The following ADK variants were observed in gnomAD, a reference collection of about 807,000 sequenced individuals.
The protein encoded by ADK is N6,N6-dimethyladenosine kinase.
Under a neutral mutation model 44.7 loss-of-function variants are expected in ADK, and 24 were observed. The observed-to-expected ratio is 0.54, with a 90% CI of 0.39 to 0.76. The LOEUF (loss-of-function observed/expected upper bound fraction) is 0.76, where lower values mean the gene tolerates loss of function less well. Ranked by LOEUF, ADK falls within the 30% of genes least tolerant of loss-of-function variation. The pLI is 0.00. For synonymous variants in ADK, 128 were observed against 142.6 expected (o/e 0.90, Z 0.73); for missense variants, 321 against 425.1 (o/e 0.76, Z 2.15).
intron 6 of ADK, among the ~76,000 whole-genome samples, chr10:74,444,351 G>T (rs1170136165): frequency 6.6e-6 from 1 of 152,132 alleles, no homozygotes; most frequent in African/African-American, 2.4e-5. Context: ...ATGGGGCAGA[G>T]TTGTCTGTTT....
intron 8 of ADK, among the ~76,000 whole-genome samples, chr10:74,595,667 C>T (rs1389445815): frequency 7.5e-5 from 4 of 53,222 alleles, no homozygotes; most frequent in African/African-American, 1.5e-4. Flanking sequence ...TGAGCTACCG[C>T]GCCCATCGCC....
intron 1 of ADK, among the ~76,000 whole-genome samples, chr10:74,190,581 T>G (rs976280931): frequency 2.5e-4 from 38 of 152,208 alleles, no homozygotes; most frequent in Admixed American, 2.2e-3. Context: ...TTGTAGCTGA[T>G]TGTTTTTGAC....
chr10:74,421,043 G>A (rs1405032833), intron 6 of ADK, among the ~76,000 whole-genome samples: 2 of 152,102 alleles, frequency 1.3e-5, no homozygotes, highest in African/African-American at 2.4e-5. Flanking sequence ...ATGTATGCAG[G>A]TTTTTTAAAT....
chr10:74,622,090 A>G (rs1853014785), intron 9 of ADK, among the ~76,000 whole-genome samples: 1 of 152,200 alleles, frequency 6.6e-6, no homozygotes, highest in African/African-American at 2.4e-5. Flanking sequence ...TACCTTGAGT[A>G]GAGTATTTCC....
At chr10:74,518,078 G>A (rs1848664626) in intron 6 of ADK, among the ~76,000 whole-genome samples, 1 of 152,180 alleles carries the variant, frequency 6.6e-6, no homozygotes, top group South Asian at 2.1e-4. Flanking sequence ...CACAAAACAT[G>A]TAGGACCCAT....
At chr10:74,459,727 C>CAAAAAAAAAAAA (rs986375076) in intron 6 of ADK, among the ~76,000 whole-genome samples, 1 of 42,796 alleles carries the variant, frequency 2.3e-5, no homozygotes, top group Non-Finnish European at 5.1e-5. Flanking sequence ...GACTCCATCT[C>CAAAAAAAAAAAA]AAAAAAAAAA....
chr10:74,633,070 T>C (rs1473327685), intron 9 of ADK, among the ~76,000 whole-genome samples: 1 of 152,204 alleles, frequency 6.6e-6, no homozygotes, highest in Non-Finnish European at 1.5e-5. Flanking sequence ...GTATTTTAAT[T>C]TTTATGAACA....
At chr10:74,270,386 C>G (rs760995095) in intron 3 of ADK, among the ~76,000 whole-genome samples, 8 of 152,102 alleles carry the variant, frequency 5.3e-5, no homozygotes, top group Non-Finnish European at 1.0e-4. Context: ...AATGGTATTG[C>G]TTTTTGCAAA....
chr10:74,692,899 G>A (rs556592117), intron 10 of ADK, among the ~76,000 whole-genome samples: 4 of 152,084 alleles, frequency 2.6e-5, no homozygotes, highest in East Asian at 1.9e-4. Context: ...ATATATCCCC[G>A]TTGTTAAGCA....
chr10:74,346,747 A>G (rs10762601), intron 4 of ADK, among the ~76,000 whole-genome samples: 99,215 of 151,810 alleles, frequency 0.65, 33,576 homozygotes, highest in Middle Eastern at 0.81. Flanking sequence ...CATAACAGGA[A>G]TGAATTGAAG....
chr10:74,634,357 G>GTA (rs1215939104), intron 9 of ADK, among the ~76,000 whole-genome samples: 3 of 152,058 alleles, frequency 2.0e-5, no homozygotes, highest in Non-Finnish European at 4.4e-5. Flanking sequence ...TGGGACTACA[G>GTA]GCTCCCGCCA....
At chr10:74,366,621 T>G (rs1842506987) in intron 4 of ADK, among the ~76,000 whole-genome samples, 1 of 152,276 alleles carries the variant, frequency 6.6e-6, no homozygotes, top group African/African-American at 2.4e-5. Context: ...AAAAAAATTA[T>G]AAATCTGATA....
chr10:74,541,432 C>A (rs1849621946), intron 7 of ADK, among the ~76,000 whole-genome samples: 1 of 152,136 alleles, frequency 6.6e-6, no homozygotes, highest in Non-Finnish European at 1.5e-5. Flanking sequence ...GCTCACATTG[C>A]ATTTAGTTAC....
At chr10:74,320,147 G>A (rs1840760731) in intron 4 of ADK, among the ~76,000 whole-genome samples, 1 of 152,122 alleles carries the variant, frequency 6.6e-6, no homozygotes, top group Admixed American at 6.5e-5. Flanking sequence ...GTGTAGGGCA[G>A]GTCTATTGTT....
intron 6 of ADK, among the ~76,000 whole-genome samples, chr10:74,472,407 G>T (rs1398111945): frequency 1.3e-5 from 2 of 152,000 alleles, no homozygotes; most frequent in Non-Finnish European, 2.9e-5. Context: ...TGCATCAATA[G>T]AGATGTCATC....
intron 6 of ADK, among the ~76,000 whole-genome samples, chr10:74,480,229 T>TCTTTCTTTCTTTCTTTC (rs1554865900): frequency 1.4e-5 from 2 of 142,562 alleles, no homozygotes; most frequent in African/African-American, 5.1e-5. Context: ...TTTCTTTCTT[T>TCTTTCTTTCTTTCTTTC]TTTTTTTTTT....
intron 7 of ADK, among the ~76,000 whole-genome samples, chr10:74,566,577 T>G (rs1368058200): frequency 1.3e-5 from 2 of 152,192 alleles, no homozygotes; most frequent in Non-Finnish European, 2.9e-5. Flanking sequence ...CTGAATACAT[T>G]TAAATGCCAG....
In ADK at chr10:74,356,002, ATTTTTT is replaced by A. The variant is rs34454856; in HGVS notation, c.274-38117_274-38112del. 9.7e-4 allele frequency among the ~76,000 whole-genome samples: 81 copies of A among 83,306 alleles called. 8 individuals are homozygous for A. Among genetic ancestry groups the A allele is most frequent in the Non-Finnish European group, 1.3e-3 (61 of 45,690 alleles). 54.7% of individuals were successfully genotyped at this position (83,306 alleles called of 152,430 possible). ...TCTGAAATATTTCACTAAATAATTC[ATTTTTT>A]TTTTTTTTTTTTTTTTTTTTTGAGA... On this transcript the variant is annotated intron_variant, in intron 4 of 10. Coordinates refer to ENST00000539909, the MANE Select transcript of ADK (RefSeq NM_006721.4).
chr10:74,707,935 G>A (rs780150526), intron 10 of ADK, among the ~76,000 whole-genome samples: 36 of 151,536 alleles, frequency 2.4e-4, no homozygotes, highest in Non-Finnish European at 4.4e-4. Context: ...GGCAGATCAC[G>A]AGGTCAGGAG....
Sources: allele counts gnomAD v4.1 joint callset (sites outside exome capture counted in the v4.1 genomes callset), GRCh38; gene constraint gnomAD v4.1.1; transcripts MANE v1.5; gene names NCBI Gene and HGNC (gene_info 2026-07-23, HGNC 2026-07-21).